The following AGAP1 variants were observed in gnomAD, a reference collection of about 807,000 sequenced individuals.
The protein encoded by AGAP1 is arf-GAP with GTPase, ANK repeat and PH domain-containing protein 1.
AGAP1 carries 29 observed loss-of-function variants against 105.3 expected under a neutral mutation model. The observed-to-expected ratio is 0.28, with a 90% CI of 0.21 to 0.38. The LOEUF is 0.38. Among genes scored for constraint, AGAP1 ranks in the 10% least tolerant of loss-of-function variants. The probability of loss-of-function intolerance (pLI) is 1.00; values close to 1 mark genes in which losing one functional copy is unlikely to be tolerated. For synonymous variants in AGAP1, 509 were observed against 485.9 expected (o/e 1.05, Z -0.63); for missense variants, 998 against 1,165.1 (o/e 0.86, Z 2.09).
intron 9 of AGAP1, among the ~76,000 whole-genome samples, chr2:235,837,655 A>G (rs1960325886): frequency 6.6e-6 from 1 of 152,192 alleles, no homozygotes. Flanking sequence ...GTGGCATATA[A>G]CAACAGCTCA....
At position 235,923,239 on chromosome 2, in the gene AGAP1, C is replaced by T. The variant is rs539946786; in HGVS notation, c.1325-7526C>T. 8.5e-5 allele frequency among the ~76,000 whole-genome samples: 13 copies of T among 152,298 alleles called. No homozygotes were observed. In the South Asian group the frequency reaches 1.7e-3, roughly 19 times the overall value. On this transcript the variant is annotated intron_variant, in intron 11 of 17. Coordinates refer to ENST00000304032, the MANE Select transcript of AGAP1 (RefSeq NM_001037131.3). ...TTCCTGTGGAAGCCAGCATCCTATACTGTTTGGGGCTGGGCCACTTTTTAA... is the reference window on the plus strand; with the variant it reads ...TTCCTGTGGAAGCCAGCATCCTATATTGTTTGGGGCTGGGCCACTTTTTAA...
intron 5 of AGAP1, among the ~76,000 whole-genome samples, chr2:235,746,383 T>C (rs906288585): frequency 1.1e-3 from 65 of 61,008 alleles, no homozygotes; most frequent in African/African-American, 1.4e-3. Flanking sequence ...CCAACTTTTT[T>C]TTTTTTTTTT....
intron 13 of AGAP1, among the ~76,000 whole-genome samples, chr2:236,023,982 G>A (rs988007188): frequency 6.6e-5 from 10 of 151,010 alleles, no homozygotes; most frequent in Admixed American, 1.3e-4. Flanking sequence ...GAAACATCTC[G>A]GCATTGCACC....
Position 235,723,328 on chromosome 2 carries a change from A to G in AGAP1, c.310+5684A>G, listed in dbSNP as rs1217103456. Among the ~76,000 whole-genome samples the G allele has an allele frequency of 6.6e-6, 1 of 152,144 alleles. No individual in the cohort carries two copies. The highest frequency in any genetic ancestry group is 1.5e-5 in the Non-Finnish European group (1 of 68,030). ...TAATATTCAGCGTCCCCCAACACAG[A>G]CCCCACATGATGCCACTCAGCTTTT... On this transcript the variant is annotated intron_variant, in intron 3 of 17. Transcript: ENST00000304032. This position sits in a 1 kb window ranked among gnomAD's most constrained non-coding sequence, Gnocchi z 6.2.
rs1241591683 is a variant in AGAP1, at chr2:235,905,791, G to GC, written c.1156-2943dup. On this transcript the variant is annotated intron_variant, in intron 10 of 17. Coordinates refer to ENST00000304032, the MANE Select transcript of AGAP1 (RefSeq NM_001037131.3). The surrounding 1 kb of genome is among the most constrained non-coding windows in gnomAD (Gnocchi z 4.2). ...TGGGATTACAGGCGTGAGCCACCGC[G>GC]CCCCGCCTGATGTGCTTTTCATTTG... Among the ~76,000 whole-genome samples the GC allele has an allele frequency of 6.6e-6, 1 of 152,170 alleles. No individual in the cohort carries two copies. Among genetic ancestry groups the GC allele is most frequent in the East Asian group, 1.9e-4 (1 of 5,190 alleles).
At position 235,793,417 on chromosome 2, in the gene AGAP1, G is replaced by A. The variant is rs983407342; in HGVS notation, c.674-4342G>A. On this transcript the variant is annotated intron_variant, in intron 6 of 17. Coordinates refer to ENST00000304032, the MANE Select transcript of AGAP1 (RefSeq NM_001037131.3). The surrounding 1 kb of genome is among the most constrained non-coding windows in gnomAD (Gnocchi z 5.3). ...GTTAGAAATTGATGACAAACTGAGG[G>A]TGCAGGGCAAAAGAACACATGATTC... Among the ~76,000 whole-genome samples the A allele has an allele frequency of 1.3e-5, 2 of 152,188 alleles. No individual in the cohort carries two copies. Among genetic ancestry groups the A allele is most frequent in the East Asian group, 3.9e-4 (2 of 5,184 alleles).
rs1944757324 is a variant in AGAP1 at position 235,577,078 on chromosome 2, C to G, written c.163+82229C>G. 6.6e-6 allele frequency among the ~76,000 whole-genome samples: 1 copy of G among 152,192 alleles called. No homozygotes were observed. Among genetic ancestry groups the G allele is most frequent in the Admixed American group, 6.5e-5 (1 of 15,286 alleles). ...CTGTTGTCCTGAAATATCAGGCCTT[C>G]CTGAACCCCCTTGTACCTCTGTCCA... On this transcript the variant is annotated intron_variant, in intron 1 of 17. Coordinates refer to ENST00000304032, the MANE Select transcript of AGAP1 (RefSeq NM_001037131.3). This position sits in a 1 kb window ranked among gnomAD's most constrained non-coding sequence, Gnocchi z 4.5.
At chr2:235,768,503 C>T (rs966070635) in intron 6 of AGAP1, among the ~76,000 whole-genome samples, 12 of 152,176 alleles carry the variant, frequency 7.9e-5, no homozygotes, top group East Asian at 5.8e-4. Context: ...TTCATCAGAG[C>T]GGAGAGCCAC....
At chr2:235,949,868 C>T (rs1322475710) in intron 12 of AGAP1, among the ~76,000 whole-genome samples, 1 of 152,206 alleles carries the variant, frequency 6.6e-6, no homozygotes, top group Non-Finnish European at 1.5e-5. Context: ...ATGGAAAGTT[C>T]TGCCAGGAAA....
chr2:236,094,510 A>T (rs1282871504), intron 16 of AGAP1, among the ~76,000 whole-genome samples: 1 of 151,562 alleles, frequency 6.6e-6, no homozygotes, highest in Non-Finnish European at 1.5e-5. Context: ...GACTACCACG[A>T]CCATCTAGTT....
Position 235,658,454 on chromosome 2 carries a change from G to A in AGAP1, c.164-50725G>A, listed in dbSNP as rs181798514. Reference sequence around the variant, plus strand: ...TATGGCTTTATAAGTGAGTATTTCCGTATTAGCAAAGAGACATCTACACTT... The same window carrying A: ...TATGGCTTTATAAGTGAGTATTTCCATATTAGCAAAGAGACATCTACACTT... On this transcript the variant is annotated intron_variant, in intron 1 of 17. Coordinates refer to ENST00000304032, the MANE Select transcript of AGAP1 (RefSeq NM_001037131.3). 2.0e-3 allele frequency among the ~76,000 whole-genome samples: 309 copies of A among 151,734 alleles called. 10 individuals are homozygous for A. Among genetic ancestry groups the A allele is most frequent in the Admixed American group, 0.018 (279 of 15,238 alleles).
chr2:235,998,588 A>G (rs900110738), intron 13 of AGAP1, among the ~76,000 whole-genome samples: 7 of 148,188 alleles, frequency 4.7e-5, no homozygotes, highest in African/African-American at 1.5e-4. Context: ...ATATAAGTCT[A>G]TGGTAAGTGC....
At position 235,962,201 on chromosome 2, in the gene AGAP1, G is replaced by A. The variant is rs2054220423; in HGVS notation, c.1484-6261G>A. Among the ~76,000 whole-genome samples the A allele has an allele frequency of 6.6e-6, 1 of 152,116 alleles. No homozygotes were observed. The highest frequency in any genetic ancestry group is 2.1e-4 in the South Asian group (1 of 4,820). On this transcript the variant is annotated intron_variant, in intron 12 of 17. Transcript: ENST00000304032. This position sits in a 1 kb window ranked among gnomAD's most constrained non-coding sequence, Gnocchi z 5.3. ...GAGTGGGAAGTGGGTTACTACAGAAGTGAGGTAGGATTGAAGGGCAGGCCA... is the reference window on the plus strand; with the variant it reads ...GAGTGGGAAGTGGGTTACTACAGAAATGAGGTAGGATTGAAGGGCAGGCCA...
At chr2:235,500,272 C>T (rs1330935031) in intron 1 of AGAP1, among the ~76,000 whole-genome samples, 2 of 149,178 alleles carry the variant, frequency 1.3e-5, no homozygotes, top group South Asian at 2.2e-4. Context: ...GTATCTTTGG[C>T]GTCACACCGA....
At chr2:235,593,658 C>T (rs1053447227) in intron 1 of AGAP1, among the ~76,000 whole-genome samples, 6 of 152,102 alleles carry the variant, frequency 3.9e-5, no homozygotes, top group East Asian at 1.9e-4. Context: ...AATCGTGTAG[C>T]GCTACAGCTA....
intron 11 of AGAP1, among the ~76,000 whole-genome samples, chr2:235,917,842 G>A (rs867829392): frequency 6.6e-5 from 10 of 152,288 alleles, no homozygotes; most frequent in Middle Eastern, 3.4e-3. Flanking sequence ...CATTATCCCC[G>A]TTGTGTGGCC....
At chr2:235,923,564 C>A (rs1178050276) in intron 11 of AGAP1, among the ~76,000 whole-genome samples, 10 of 127,344 alleles carry the variant, frequency 7.9e-5, no homozygotes, top group Admixed American at 5.0e-4. Context: ...ATTTCTCACT[C>A]CGTAGATGGG....
At chr2:236,033,339 C>A (rs62189406) in intron 13 of AGAP1, among the ~76,000 whole-genome samples, 4,364 of 152,278 alleles carry the variant, frequency 0.029, 98 homozygotes, top group Non-Finnish European at 0.044. Flanking sequence ...TCTGATGTTC[C>A]TGTGAACACT....
At chr2:235,808,301 C>A (rs1437933794) in intron 9 of AGAP1, among the ~76,000 whole-genome samples, 1 of 152,216 alleles carries the variant, frequency 6.6e-6, no homozygotes, top group Non-Finnish European at 1.5e-5. Context: ...TCTCCTCTCT[C>A]CTGCGGGCAC....
Sources: gnomAD v4.1 joint callset for allele counts (sites outside exome capture counted in the v4.1 genomes callset) on GRCh38, gnomAD v4.1.1 for gene constraint, Gnocchi (gnomAD v3.1) non-coding constraint, MANE v1.5 for transcripts, NCBI Gene and HGNC (gene_info 2026-07-23, HGNC 2026-07-21) for gene names.